Variants in PTPN4 observed in about 807,000 individuals in gnomAD.
PTPN4 encodes the protein tyrosine-protein phosphatase non-receptor type 4.
A neutral mutation model predicts 135.5 loss-of-function variants in PTPN4; 49 were observed. That is an observed-to-expected ratio of 0.36 (90% CI 0.29 to 0.46). PTPN4 has a LOEUF of 0.46. PTPN4 is among the 20% of genes least tolerant of loss of function. The pLI is 1.00. For missense variants in PTPN4, 860 were observed against 1,101.0 expected (o/e 0.78, Z 3.10); for synonymous variants, 333 against 369.9 (o/e 0.90, Z 1.14).
At chr2:119,911,539 T>C (rs961560990) in intron 10 of PTPN4, among the ~76,000 whole-genome samples, 1 of 152,152 alleles carries the variant, frequency 6.6e-6, no homozygotes, top group Non-Finnish European at 1.5e-5. Context: ...AATCTGCTAA[T>C]ATTATACAAA....
chr2:119,893,096 G>A (rs1369563466), intron 9 of PTPN4, among the ~76,000 whole-genome samples: 1 of 152,138 alleles, frequency 6.6e-6, no homozygotes, highest in Non-Finnish European at 1.5e-5. Flanking sequence ...GGCAATAAAA[G>A]ACATGTTGTG....
chr2:119,838,199 ATTGT>A (rs898464388), intron 2 of PTPN4, among the ~76,000 whole-genome samples: 2 of 150,912 alleles, frequency 1.3e-5, no homozygotes, highest in African/African-American at 2.4e-5. Flanking sequence ...TTCTGGTTTT[ATTGT>A]TTGTTTGCTT....
chr2:119,789,980 G>C (rs1300025618), intron 1 of PTPN4, among the ~76,000 whole-genome samples: 2 of 151,870 alleles, frequency 1.3e-5, no homozygotes, highest in African/African-American at 4.8e-5. Context: ...CTCCTGCCTC[G>C]GCCTTTCAAA....
At chr2:119,820,294 T>C (rs893530922) in intron 2 of PTPN4, among the ~76,000 whole-genome samples, 1 of 152,274 alleles carries the variant, frequency 6.6e-6, no homozygotes, top group Non-Finnish European at 1.5e-5. Context: ...CCATCTGTGA[T>C]AGATGTGATC....
At chr2:119,942,241 C>T (rs532614592) in intron 15 of PTPN4, among the ~76,000 whole-genome samples, 2 of 152,162 alleles carry the variant, frequency 1.3e-5, no homozygotes, top group South Asian at 4.2e-4. Context: ...CAAAATGTAC[C>T]ATAGAATCAG....
chr2:119,809,846 G>T lies in PTPN4; in HGVS notation c.-8G>T. 1 of 1,584,570 alleles carries T rather than the reference G, an allele frequency of 6.3e-7. No individual in the cohort carries two copies. The highest frequency in any genetic ancestry group is 8.5e-7 in the Non-Finnish European group (1 of 1,170,624). Reference sequence around the variant, plus strand: ...TTTTTTTTTAACTTAGACTTTGTGTGGACAGTAATGACCTCACGTTTCCGA... The same window carrying T: ...TTTTTTTTTAACTTAGACTTTGTGTTGACAGTAATGACCTCACGTTTCCGA... On this transcript the variant is annotated 5_prime_UTR_variant, in exon 2 of 27. Transcript: ENST00000263708.
chr2:119,961,095 G>A, intron 23 of PTPN4, 142 bp downstream of exon 23: 2 of 994,304 alleles, frequency 2.0e-6, no homozygotes, highest in South Asian at 1.8e-5. Flanking sequence ...AAATCATCAT[G>A]TTTAAGTGCA....
intron 10 of PTPN4, among the ~76,000 whole-genome samples, chr2:119,912,779 A>G (rs573785981): frequency 6.6e-6 from 1 of 152,302 alleles, no homozygotes; most frequent in Admixed American, 6.5e-5. Context: ...GGTTTGTGGT[A>G]TAGTTTCAGG....
intron 1 of PTPN4, among the ~76,000 whole-genome samples, chr2:119,795,224 G>A (rs1691231008): frequency 6.6e-6 from 1 of 152,160 alleles, no homozygotes; most frequent in South Asian, 2.1e-4. Flanking sequence ...ACTGGAAAAG[G>A]CACCACAAGT....
chr2:119,844,731 G>A, intron 2 of PTPN4, among the ~76,000 whole-genome samples: 1 of 147,342 alleles, frequency 6.8e-6, no homozygotes, highest in African/African-American at 2.5e-5. Context: ...TTCCTAGATG[G>A]GATGGCGGCC....
chr2:119,812,703 T>G (rs1558733601), intron 2 of PTPN4, among the ~76,000 whole-genome samples: 1 of 152,332 alleles, frequency 6.6e-6, no homozygotes, highest in East Asian at 1.9e-4. Flanking sequence ...GTCCCTCTCA[T>G]GCCGTGAATT....
rs937755630 is a variant in PTPN4 at position 119,819,415 on chromosome 2, C to T, written c.138+9424C>T. Among the ~76,000 whole-genome samples the T allele has an allele frequency of 3.9e-5, 6 of 152,254 alleles. No homozygotes were observed. The East Asian group carries it at 9.6e-4, about 24-fold the overall frequency. On this transcript the variant is annotated intron_variant, in intron 2 of 26. Transcript: ENST00000263708. ...TCCTCATTATTTTAAAATATGAAAA[C>T]GTATCTCATTATATAATCAGTGAAT...
chr2:119,780,620 G>C (rs989151374), intron 1 of PTPN4, among the ~76,000 whole-genome samples: 1 of 152,246 alleles, frequency 6.6e-6, no homozygotes, highest in Admixed American at 6.5e-5. Flanking sequence ...TTCATCACTA[G>C]ATTCAAGTTA....
intron 15 of PTPN4, among the ~76,000 whole-genome samples, chr2:119,937,569 CT>C (rs1361167472): frequency 2.0e-5 from 3 of 152,200 alleles, no homozygotes; most frequent in African/African-American, 4.8e-5. Context: ...GCAAAATAAG[CT>C]TTTTTTCACT....
At position 119,979,833 on chromosome 2, in the gene PTPN4, T is replaced by G. The variant is rs916070592; in HGVS notation, c.*2763T>G. On this transcript the variant is annotated 3_prime_UTR_variant, in exon 27 of 27. Transcript: ENST00000263708. ...TATTCTGACAAGTGGAAATCAATAG[T>G]GGTTAATCAAGTGGATTTTGTAAAT... 1 of 152,086 alleles carries G rather than the reference T, an allele frequency of 6.6e-6. No homozygotes were observed. Among genetic ancestry groups the G allele is most frequent in the African/African-American group, 2.4e-5 (1 of 41,442 alleles). 9.4% of individuals were successfully genotyped at this position (152,086 alleles called of 1,614,324 possible).
chr2:119,852,201 T>C (rs1677602360), intron 2 of PTPN4, among the ~76,000 whole-genome samples: 1 of 152,206 alleles, frequency 6.6e-6, no homozygotes, highest in Non-Finnish European at 1.5e-5. Context: ...TACCTCCTTC[T>C]TTTTTCCGCT....
chr2:119,968,063 T>G, intron 26 of PTPN4, 91 bp downstream of exon 26: 1 of 1,114,526 alleles, frequency 9.0e-7, no homozygotes, highest in Non-Finnish European at 1.2e-6. Flanking sequence ...TTATCCTTTT[T>G]TATCTTTTCA....
intron 24 of PTPN4, among the ~76,000 whole-genome samples, chr2:119,963,784 A>G (rs1018595960): frequency 1.3e-5 from 2 of 152,202 alleles, no homozygotes; most frequent in Non-Finnish European, 2.9e-5. Context: ...TCAAGCCAAT[A>G]TGATATTTCT....
chr2:119,855,470 C>T (rs1030198290), intron 2 of PTPN4, among the ~76,000 whole-genome samples: 10 of 152,044 alleles, frequency 6.6e-5, no homozygotes, highest in Non-Finnish European at 4.4e-5. Flanking sequence ...TGAGAGACAC[C>T]GGCAGATTTT....
Sources: gnomAD v4.1 joint callset for allele counts (sites outside exome capture counted in the v4.1 genomes callset) on GRCh38, gnomAD v4.1.1 for gene constraint, MANE v1.5 for transcripts, NCBI Gene and HGNC (gene_info 2026-07-23, HGNC 2026-07-21) for gene names.